Variants in SGCD observed in about 807,000 individuals in gnomAD.
The protein encoded by SGCD is sarcoglycan delta, also known as delta-sarcoglycan.
Under a neutral mutation model 36.6 loss-of-function variants are expected in SGCD, and 18 were observed. The ratio of observed to expected loss-of-function variants is 0.49; its 90% CI spans 0.34 to 0.73. SGCD has a LOEUF of 0.73. Ranked by LOEUF, SGCD falls within the 30% of genes least tolerant of loss-of-function variation. SGCD has a pLI of 0.01. For synonymous variants in SGCD, 133 were observed against 130.6 expected (o/e 1.02, Z -0.12); for missense variants, 387 against 346.7 (o/e 1.12, Z -0.92).
At chr5:156,389,773 G>A (rs931641122) in intron 3 of SGCD, among the ~76,000 whole-genome samples, 3 of 152,174 alleles carry the variant, frequency 2.0e-5, no homozygotes, top group Admixed American at 2.0e-4. Context: ...AGAACAAAGA[G>A]TCTGAATCCA....
intron 3 of SGCD, among the ~76,000 whole-genome samples, chr5:156,391,638 T>C (rs1278375344): frequency 6.6e-6 from 1 of 152,122 alleles, no homozygotes; most frequent in African/African-American, 2.4e-5. Context: ...TATAAGAAAA[T>C]GTGTGTATAT....
intron 3 of SGCD, among the ~76,000 whole-genome samples, chr5:156,501,658 A>AG (rs950105787): frequency 1.3e-4 from 20 of 152,270 alleles, no homozygotes; most frequent in Admixed American, 9.2e-4. Context: ...CTGAGGGCTT[A>AG]GGGGAGACTC....
intron 3 of SGCD, among the ~76,000 whole-genome samples, chr5:156,285,151 C>G (rs1477375357): frequency 6.6e-6 from 1 of 152,132 alleles, no homozygotes; most frequent in Non-Finnish European, 1.5e-5. Flanking sequence ...GAACTACAAA[C>G]CACTGCTCAA....
chr5:155,841,462 A>G, the SGCD span, among the ~76,000 whole-genome samples: 2 of 152,172 alleles, frequency 1.3e-5, no homozygotes, highest in Non-Finnish European at 2.9e-5. Flanking sequence ...GTTGTAATTT[A>G]TATTTCTCTT....
chr5:155,874,030 A>C (rs988579176), intron 1 of SGCD, among the ~76,000 whole-genome samples: 28 of 152,248 alleles, frequency 1.8e-4, no homozygotes, highest in African/African-American at 6.5e-4. Flanking sequence ...ACCATTGCTC[A>C]TATCAACAGG....
rs534877817 is a variant in SGCD at position 156,185,276 on chromosome 5, A to G, written c.-44+61257A>G. 3.2e-4 allele frequency among the ~76,000 whole-genome samples: 47 copies of G among 145,630 alleles called. No individual in the cohort carries two copies. In the East Asian group the frequency reaches 5.1e-3, roughly 16 times the overall value. On this transcript the variant is annotated intron_variant, in intron 3 of 9. Coordinates refer to the SGCD transcript ENST00000517913. ...GTTGCCCAGGCTGGAGTGCAGTGGC[A>G]CAATCTCGGCTCACTGTAAGCTCCG...
intron 1 of SGCD, among the ~76,000 whole-genome samples, chr5:155,903,688 GT>G (rs140626288): frequency 0.014 from 2,111 of 152,216 alleles, 14 homozygotes; most frequent in Non-Finnish European, 0.021. Flanking sequence ...ATCAGTGTTG[GT>G]GGAATAAAAT....
chr5:156,677,113 T>C (rs918898555), intron 7 of SGCD, among the ~76,000 whole-genome samples: 2 of 152,236 alleles, frequency 1.3e-5, no homozygotes, highest in Non-Finnish European at 2.9e-5. Flanking sequence ...CAAAGACTTA[T>C]AGAGCTTCAG....
intron 1 of SGCD, among the ~76,000 whole-genome samples, chr5:156,035,324 T>A (rs1759460654): frequency 6.6e-6 from 1 of 152,146 alleles, no homozygotes; most frequent in Admixed American, 6.6e-5. Context: ...AAAAGTGGAA[T>A]AGGGCCAGTC....
chr5:156,348,341 A>C (rs1769055101), intron 3 of SGCD, among the ~76,000 whole-genome samples: 1 of 152,168 alleles, frequency 6.6e-6, no homozygotes. Context: ...TTACATGAGC[A>C]TATACCTAGA....
chr5:156,047,367 G>T (rs1260074629), intron 1 of SGCD, among the ~76,000 whole-genome samples: 1 of 152,182 alleles, frequency 6.6e-6, no homozygotes, highest in Non-Finnish European at 1.5e-5. Context: ...GGAAGAAGAT[G>T]ATGTCTAGGA....
intron 3 of SGCD, among the ~76,000 whole-genome samples, chr5:156,497,717 A>G (rs989207403): frequency 2.1e-4 from 32 of 152,086 alleles, no homozygotes; most frequent in South Asian, 2.1e-3. Flanking sequence ...CTAGAGAGTA[A>G]AAAGGAAAAG....
chr5:155,940,066 G>A (rs963744290), intron 1 of SGCD, among the ~76,000 whole-genome samples: 3 of 152,052 alleles, frequency 2.0e-5, no homozygotes, highest in Non-Finnish European at 4.4e-5. Flanking sequence ...CTCCTGACCT[G>A]ACCTCAGGTG....
At position 156,431,209 on chromosome 5, in the gene SGCD, G is replaced by A. The variant is rs538887016; in HGVS notation, c.193-77392G>A. 1.2e-4 allele frequency among the ~76,000 whole-genome samples: 18 copies of A among 152,264 alleles called. No homozygotes were observed. In the South Asian group the frequency reaches 1.2e-3, roughly 11 times the overall value. On this transcript the variant is annotated intron_variant, in intron 3 of 8. Coordinates refer to ENST00000337851, the MANE Select transcript of SGCD (RefSeq NM_000337.6). ...TGTTTTGGCTATTCAGATCAGACAGGCACCTCTTTTCATCTGTAGAAATGT... is the reference window on the plus strand; with the variant it reads ...TGTTTTGGCTATTCAGATCAGACAGACACCTCTTTTCATCTGTAGAAATGT...
chr5:156,647,404 T>C (rs1763270055), intron 6 of SGCD, 60 bp from the exon 7 acceptor site: 4 of 1,134,180 alleles, frequency 3.5e-6, no homozygotes, highest in Middle Eastern at 1.9e-4. Context: ...GTGTGCTGAT[T>C]GTGCCTACAG....
intron 3 of SGCD, among the ~76,000 whole-genome samples, chr5:156,290,751 C>T (rs766363688): frequency 6.6e-6 from 1 of 152,098 alleles, no homozygotes; most frequent in Non-Finnish European, 1.5e-5. Context: ...TTTACCCTCT[C>T]TTTTTAAAAT....
In SGCD at chr5:156,224,551, A is replaced by C. The variant is rs569614894; in HGVS notation, c.-44+100532A>C. The stretch of plus-strand genomic sequence containing the variant: ...TTTTTGTACCAATTGGCTGCATTTT[A>C]AGTTTACGAAATGGCAGTTTTATAA... On this transcript the variant is annotated intron_variant, in intron 3 of 9. Coordinates refer to the SGCD transcript ENST00000517913. 2.6e-5 allele frequency among the ~76,000 whole-genome samples: 4 copies of C among 152,266 alleles called. No homozygotes were observed. The East Asian group carries it at 7.7e-4, about 29-fold the overall frequency.
At chr5:156,328,593 G>A (rs961047917) in intron 1 of SGCD, among the ~76,000 whole-genome samples, 1 of 152,170 alleles carries the variant, frequency 6.6e-6, no homozygotes, top group African/African-American at 2.4e-5. Context: ...GAATGAGAAG[G>A]CACACATTCT....
chr5:155,910,213 A>AT (rs1253496246), intron 1 of SGCD, among the ~76,000 whole-genome samples: 1 of 152,108 alleles, frequency 6.6e-6, no homozygotes, highest in Non-Finnish European at 1.5e-5. Flanking sequence ...ACATAGTGTT[A>AT]TTTTTTACTA....
Sources: gnomAD v4.1 joint callset for allele counts (sites outside exome capture counted in the v4.1 genomes callset) on GRCh38, gnomAD v4.1.1 for gene constraint, MANE v1.5 for transcripts, NCBI Gene and HGNC (gene_info 2026-07-23, HGNC 2026-07-21) for gene names.